IPO4: variants seen among roughly 807,000 people sequenced by gnomAD.
IPO4 encodes the protein importin 4, also known as importin-4.
In IPO4, 91 loss-of-function variants were observed where a neutral mutation model predicts 133.5. The ratio of observed to expected loss-of-function variants is 0.68; its 90% CI spans 0.58 to 0.81. The LOEUF is 0.81. Ranked by LOEUF, IPO4 falls within the 30% of genes least tolerant of loss-of-function variation. The probability of loss-of-function intolerance (pLI) is 0.00; values close to 1 mark genes in which losing one functional copy is unlikely to be tolerated. For synonymous variants in IPO4, 607 were observed against 581.6 expected, an observed-to-expected ratio of 1.04 and a Z score of -0.63; for missense variants, 1,279 against 1,386.2, an observed-to-expected ratio of 0.92 and a Z score of 1.23.
intron 28 of IPO4, 78 bp downstream of exon 28, chr14:24,181,435 G>A (rs890284402): frequency 3.2e-5 from 39 of 1,229,148 alleles, no homozygotes; most frequent in Admixed American, 2.0e-4. Flanking sequence ...TGGAGCTCCC[G>A]AGCCTCATCA....
intron 9 of IPO4, 123 bp from the exon 10 acceptor site, chr14:24,186,574 G>T: frequency 1.5e-6 from 2 of 1,364,172 alleles, no homozygotes; most frequent in Non-Finnish European, 2.0e-6. Flanking sequence ...CCAGGCAGGA[G>T]CTGGGGTGAG....
At chr14:24,180,853 G>A (rs140646996) in intron 28 of IPO4, 95 bp from the exon 29 acceptor site, 3 of 989,336 alleles carry the variant, frequency 3.0e-6, no homozygotes, top group Non-Finnish European at 4.5e-6. Flanking sequence ...CTCTTATCAG[G>A]GGGGTGGTTG....
chr14:24,184,382 G>A lies in IPO4; in HGVS notation c.1673C>T (p.Pro558Leu), dbSNP rs2039187501. Residue 558 changes from proline to leucine, a missense_variant, in exon 17 of 30, where the codon CCC (proline) becomes CTC (leucine). By Grantham distance (98) the Pro-to-Leu change is moderately conservative. Coordinates refer to ENST00000354464, the MANE Select transcript of IPO4 (RefSeq NM_024658.4). ...LGVLARAVGE[P>L]MRPLAEECCQ... ...GCATTCCTCAGCCAGCGGCCTCATGGGCTCCCCCACTGCTCGTGCCAGCAC... is the reference window on the plus strand; with the variant it reads ...GCATTCCTCAGCCAGCGGCCTCATGAGCTCCCCCACTGCTCGTGCCAGCAC... 1 of 1,608,598 alleles carries A rather than the reference G, an allele frequency of 6.2e-7. No homozygotes were observed. The highest frequency in any genetic ancestry group is 8.5e-7 in the Non-Finnish European group (1 of 1,178,008).
intron 28 of IPO4, 124 bp downstream of exon 28, chr14:24,181,389 G>A (rs933568494): frequency 1.9e-5 from 14 of 735,712 alleles, no homozygotes; most frequent in Non-Finnish European, 2.6e-5. Context: ...AAGAACAGCT[G>A]AAACTGTCAC....
Position 24,186,974 on chromosome 14 carries a change from C to A in IPO4, c.660G>T (p.Lys220Asn). The change falls in exon 8 of 30, where the codon AAG (lysine) becomes AAT (asparagine). Residue 220 changes from lysine to asparagine, a missense_variant. Lys to Asn is a moderately conservative substitution (Grantham distance 94, BLOSUM62 0). Transcript: ENST00000354464. ...CCAAAGCCTCAAGGGCCTCACAGGCCTTTGCCTGACAGACAAACAAGGCAC... is the reference window on the plus strand; with the variant it reads ...CCAAAGCCTCAAGGGCCTCACAGGCATTTGCCTGACAGACAAACAAGGCAC... ...MQTLIPIDEA[K>N]ACEALEALDE... The A allele has an allele frequency of 1.2e-6, 2 of 1,614,040 alleles. No individual in the cohort carries two copies. The highest frequency in any genetic ancestry group is 2.2e-5 in the South Asian group (2 of 91,082).
chr14:24,187,961 C>T, intron 4 of IPO4, 165 bp from the exon 5 acceptor site: 1 of 822,682 alleles, frequency 1.2e-6, no homozygotes, highest in Non-Finnish European at 1.9e-6. Context: ...AGCCCAACAG[C>T]ACTGTGGGCA....
chr14:24,187,391 A>G lies in IPO4; in HGVS notation c.588+9T>C. 6.2e-7 allele frequency: 1 copy of G among 1,613,440 alleles called. No homozygotes were observed. The highest frequency in any genetic ancestry group is 1.1e-5 in the South Asian group (1 of 91,060). On this transcript the variant is annotated intron_variant, in intron 6 of 29. Coordinates refer to ENST00000354464, the MANE Select transcript of IPO4 (RefSeq NM_024658.4). ...AGGGAGTCAAAGATAACGAGGGCCC[A>G]CATCTCACCACATCTTCAGTGCTGA... is the stretch of plus-strand genomic sequence containing the variant.
Position 24,185,872 on chromosome 14 carries a change from G to A in IPO4, c.1158C>T (p.His386=), listed in dbSNP as rs540291829. ...LAVLSDGAGD[H]IRQRLLPPLL... is the part of the protein sequence containing the mutation. ...AGGGGAATACATACCTCTGCCTGAT[G>A]TGGTCGCCAGCTCCGTCAGACAGCA... is the stretch of plus-strand genomic sequence containing the variant. Residue 386 remains histidine (H), a synonymous_variant, in exon 12 of 30, where the codon CAC becomes CAT. Transcript: ENST00000354464. The A allele has an allele frequency of 1.9e-6, 3 of 1,613,394 alleles. No individual in the cohort carries two copies. The East Asian group carries it at 6.7e-5, about 36-fold the overall frequency.
rs770853388 is a variant in IPO4, at chr14:24,180,581, A to G, written c.3116-9T>C. On this transcript the variant is annotated splice_polypyrimidine_tract_variant and intron_variant, in intron 29 of 29. Transcript: ENST00000354464. ...CAGTGCGGCCTTGGTGTCTGGGTGGAGAGGGAGGGAGAAAGGTCGGGGCTC... is the reference window on the plus strand; with the variant it reads ...CAGTGCGGCCTTGGTGTCTGGGTGGGGAGGGAGGGAGAAAGGTCGGGGCTC... 2 of 1,613,120 alleles carry G rather than the reference A, an allele frequency of 1.2e-6. No individual in the cohort carries two copies. The highest frequency in any genetic ancestry group is 1.7e-5 in the Admixed American group (1 of 59,974).
In IPO4 at chr14:24,181,617, C is replaced by T; in HGVS notation, c.2941G>A (p.Val981Met). The T allele has an allele frequency of 1.9e-6, 3 of 1,614,078 alleles. No homozygotes were observed. Among genetic ancestry groups the T allele is most frequent in the South Asian group, 1.1e-5 (1 of 91,082 alleles). Residue 981 changes from valine to methionine, a missense_variant and splice_region_variant, in exon 28 of 30, where the codon GTG becomes ATG. Coordinates refer to ENST00000354464, the MANE Select transcript of IPO4 (RefSeq NM_024658.4). ...ASPTRKPEPQVLAALLHALPL... is the reference protein window; with the variant it reads ...ASPTRKPEPQMLAALLHALPL... ...AGGGCATGCAGTAGGGCAGCCAGCA[C>T]CTGGGCACACAAATGTCTCAGGCCA...
At chr14:24,185,737 C>A in intron 12 of IPO4, 124 bp downstream of exon 12, 1 of 952,682 alleles carries the variant, frequency 1.0e-6, no homozygotes, top group Non-Finnish European at 1.7e-6. Context: ...ATCTTCCAAG[C>A]CAGGACACTT....
chr14:24,186,245 G>A, intron 10 of IPO4, 42 bp downstream of exon 10: 1 of 1,606,674 alleles, frequency 6.2e-7, no homozygotes. Context: ...ACGTCCCACA[G>A]CCACCTAACA....
At chr14:24,182,919 C>G in intron 23 of IPO4, 57 bp downstream of exon 23, 1 of 1,612,556 alleles carries the variant, frequency 6.2e-7, no homozygotes, top group Non-Finnish European at 8.5e-7. Flanking sequence ...GACTTGTAGC[C>G]AGTCCCCAAC....
At position 24,185,902 on chromosome 14, in the gene IPO4, C is replaced by T; in HGVS notation, c.1128G>A (p.Leu376=). 1.2e-6 allele frequency: 2 copies of T among 1,614,066 alleles called. No homozygotes were observed. Among genetic ancestry groups the T allele is most frequent in the Non-Finnish European group, 1.7e-6 (2 of 1,180,034 alleles). Residue 376 remains leucine, a synonymous_variant, in exon 12 of 30, where the codon CTG becomes CTA. Coordinates refer to ENST00000354464, the MANE Select transcript of IPO4 (RefSeq NM_024658.4). ...PYQRKAGLLV[L]AVLSDGAGDH... ...CGCCAGCTCCGTCAGACAGCACGGC[C>T]AGCACCAGGAGTCCAGCTTTGCGCT... is the stretch of plus-strand genomic sequence containing the variant.
At chr14:24,185,830 A>G (rs746859027) in intron 12 of IPO4, 31 bp downstream of exon 12, 1 of 1,546,906 alleles carries the variant, frequency 6.5e-7, no homozygotes, top group Admixed American at 1.7e-5. Flanking sequence ...CCCTGTGGGC[A>G]ACCCTCACCC....
At chr14:24,183,920 G>T (rs758173812) in intron 18 of IPO4, 22 bp from the exon 19 acceptor site, 1 of 1,613,906 alleles carries the variant, frequency 6.2e-7, no homozygotes, top group Admixed American at 1.7e-5. Flanking sequence ...GCACGGCAAG[G>T]ACTTTGGCTC....
intron 17 of IPO4, 21 bp from the exon 18 acceptor site, chr14:24,184,130 A>C (rs1350605641): frequency 3.7e-6 from 6 of 1,605,758 alleles, no homozygotes; most frequent in African/African-American, 2.7e-5. Flanking sequence ...CAGGCAGAAG[A>C]AGCTGTAAGG....
At position 24,188,406 on chromosome 14, in the gene IPO4, G is replaced by C. The variant is rs752892433; in HGVS notation, c.174C>G (p.Ala58=). Residue 58 remains alanine (A), a synonymous_variant, in exon 3 of 30, where the codon GCC becomes GCG. Transcript: ENST00000354464. ...TGTTCAGTCGTCTGCGGGTCAGCAC[G>C]GCCGCAAACTGGCGGATCTAGGACG... The part of the protein sequence containing the change: ...AADPQIRQFA[A]VLTRRRLNTR... 4.3e-6 allele frequency: 7 copies of C among 1,611,986 alleles called. No individual in the cohort carries two copies. The South Asian group carries it at 7.7e-5, about 18-fold the overall frequency.
rs1188575212 is a variant in IPO4, at chr14:24,181,966, G to A, written c.2796C>T (p.His932=). Residue 932 remains histidine, a synonymous_variant, in exon 26 of 30, where the codon CAC becomes CAT. Transcript: ENST00000354464. ...CGAGCCAAGGATACTCCTGGGCAGG[G>A]TGGCCCCCATGCTCTGCCAGCACGC... ...GMGVLAEHGG[H]PAQEHFPKLL... The A allele has an allele frequency of 6.2e-7, 1 of 1,611,222 alleles. No homozygotes were observed. The highest frequency in any genetic ancestry group is 1.7e-4 in the Middle Eastern group (1 of 6,058).
Sources: allele counts gnomAD v4.1 joint callset, GRCh38; gene constraint gnomAD v4.1.1; transcripts MANE v1.5; gene names NCBI Gene and HGNC (gene_info 2026-07-23, HGNC 2026-07-21).